Variants in PDE1C observed in about 807,000 individuals in gnomAD.
PDE1C encodes the protein dual specificity calcium/calmodulin-dependent 3',5'-cyclic nucleotide phosphodiesterase 1C.
A neutral mutation model predicts 93.1 loss-of-function variants in PDE1C; 62 were observed. That is an observed-to-expected ratio of 0.67 (90% confidence interval 0.54 to 0.82). PDE1C has a LOEUF of 0.82. PDE1C is among the 40% of genes least tolerant of loss of function. The pLI, the probability that PDE1C is intolerant of heterozygous loss-of-function variation, is 0.00. For synonymous variants in PDE1C, 325 were observed against 310.1 expected (o/e 1.05, Z -0.50); for missense variants, 742 against 884.6 (o/e 0.84, Z 2.04).
chr7:31,714,676 G>T, the PDE1C span, among the ~76,000 whole-genome samples: 1 of 152,208 alleles, frequency 6.6e-6, no homozygotes, highest in African/African-American at 2.4e-5. Flanking sequence ...GCAAAGAGGA[G>T]CAAGCCATGT....
At chr7:31,665,450 T>C in the PDE1C span, among the ~76,000 whole-genome samples, 2 of 152,332 alleles carry the variant, frequency 1.3e-5, no homozygotes, top group East Asian at 3.9e-4. Context: ...TTCCACATTT[T>C]ATCCCCAGGC....
intron 1 of PDE1C, among the ~76,000 whole-genome samples, chr7:32,393,299 A>G (rs1157118778): frequency 1.3e-5 from 2 of 152,146 alleles, no homozygotes; most frequent in Non-Finnish European, 2.9e-5. Flanking sequence ...TCCAGATTGG[A>G]AAGGAAAAAG....
chr7:32,171,446 T>C (rs1383340197), intron 2 of PDE1C, among the ~76,000 whole-genome samples: 2 of 151,084 alleles, frequency 1.3e-5, no homozygotes, highest in East Asian at 3.9e-4. Flanking sequence ...ACTTTTTTTG[T>C]CATTATTCCC....
intron 3 of PDE1C, among the ~76,000 whole-genome samples, chr7:32,145,171 T>G (rs1444993813): frequency 1.3e-5 from 2 of 152,116 alleles, no homozygotes; most frequent in African/African-American, 4.8e-5. Context: ...CTGGATTGGA[T>G]GAAAAGATTC....
At chr7:31,839,018 ATATT>A (rs1417308805) in intron 9 of PDE1C, among the ~76,000 whole-genome samples, 1 of 148,324 alleles carries the variant, frequency 6.7e-6, no homozygotes, top group Non-Finnish European at 1.5e-5. Context: ...ATAGATTTCA[ATATT>A]TATATATTAT....
intron 3 of PDE1C, among the ~76,000 whole-genome samples, chr7:32,119,550 C>T (rs954113688): frequency 1.3e-5 from 2 of 152,176 alleles, no homozygotes; most frequent in East Asian, 1.9e-4. Context: ...TCAAAAAGAA[C>T]CATAATAGCG....
chr7:32,136,921 T>G (rs1808176574), intron 3 of PDE1C, among the ~76,000 whole-genome samples: 1 of 152,238 alleles, frequency 6.6e-6, no homozygotes. Context: ...TGTTTGTTTA[T>G]CAGTCCTTAA....
At chr7:31,882,821 G>A (rs1797413898) in intron 2 of PDE1C, among the ~76,000 whole-genome samples, 1 of 152,016 alleles carries the variant, frequency 6.6e-6, no homozygotes, top group South Asian at 2.1e-4. Context: ...AAAGCCAGAA[G>A]ATCCTATCTA....
intron 1 of PDE1C, among the ~76,000 whole-genome samples, chr7:32,248,783 T>C (rs1192529270): frequency 6.6e-6 from 1 of 152,176 alleles, no homozygotes; most frequent in Non-Finnish European, 1.5e-5. Context: ...TGAGGAAAAA[T>C]GTCAGCAACA....
At chr7:32,026,075 TACAC>T (rs1178141493) in intron 2 of PDE1C, among the ~76,000 whole-genome samples, 1 of 142,824 alleles carries the variant, frequency 7.0e-6, no homozygotes, top group Non-Finnish European at 1.5e-5. Context: ...TGCACACACA[TACAC>T]ACATACACAC....
intron 1 of PDE1C, among the ~76,000 whole-genome samples, chr7:32,423,284 G>C (rs745617154): frequency 1.4e-4 from 21 of 152,310 alleles, no homozygotes; most frequent in Non-Finnish European, 1.9e-4. Context: ...GGCTGAGGTA[G>C]GAGGATTGCT....
At chr7:31,730,982 G>A in the PDE1C span, among the ~76,000 whole-genome samples, 1 of 152,034 alleles carries the variant, frequency 6.6e-6, no homozygotes, top group Non-Finnish European at 1.5e-5. Context: ...AAGACACAAG[G>A]AGAGAAGGAG....
chr7:32,042,261 C>G (rs1424062103), intron 2 of PDE1C, among the ~76,000 whole-genome samples: 1 of 152,176 alleles, frequency 6.6e-6, no homozygotes, highest in African/African-American at 2.4e-5. Flanking sequence ...GATCTTGCCT[C>G]TGCACTCCAG....
At chr7:32,182,704 G>A (rs1803529780) in intron 2 of PDE1C, among the ~76,000 whole-genome samples, 1 of 152,110 alleles carries the variant, frequency 6.6e-6, no homozygotes, top group East Asian at 1.9e-4. Flanking sequence ...TACTGAATGG[G>A]CAAAAACTGG....
In PDE1C at chr7:31,828,365, T is replaced by C; in HGVS notation, c.1212A>G (p.Arg404=). 2 of 1,612,174 alleles carry C rather than the reference T, an allele frequency of 1.2e-6. No homozygotes were observed. The highest frequency in any genetic ancestry group is 1.7e-6 in the Non-Finnish European group (2 of 1,178,626). The change falls in exon 12 of 18, where the codon AGA becomes AGG. Residue 404 remains arginine, a synonymous_variant. Transcript: ENST00000396191. The stretch of plus-strand genomic sequence containing the variant: ...AAAAAGGCAGCCCCAGCTCTGCTTC[T>C]CTGTCACCCTGGAAAAATAAAAGGT... ...LLEEFFRQGD[R]EAELGLPFSP...
the PDE1C span, among the ~76,000 whole-genome samples, chr7:31,722,789 G>C: frequency 6.6e-6 from 1 of 152,166 alleles, no homozygotes; most frequent in Non-Finnish European, 1.5e-5. Flanking sequence ...GAAGCAGGGG[G>C]ATGGTATGAG....
intron 1 of PDE1C, among the ~76,000 whole-genome samples, chr7:32,427,355 G>A (rs551456873): frequency 6.6e-6 from 1 of 152,242 alleles, no homozygotes; most frequent in African/African-American, 2.4e-5. Context: ...TTCAAATCGT[G>A]TGTGCTCTTT....
At chr7:32,307,762 G>C (rs1457927299) in intron 1 of PDE1C, among the ~76,000 whole-genome samples, 1 of 152,200 alleles carries the variant, frequency 6.6e-6, no homozygotes, top group African/African-American at 2.4e-5. Flanking sequence ...AGCCAAGATG[G>C]CCGAATAGGA....
intron 3 of PDE1C, among the ~76,000 whole-genome samples, chr7:32,131,950 A>G (rs1043609892): frequency 6.6e-6 from 1 of 152,166 alleles, no homozygotes; most frequent in African/African-American, 2.4e-5. Flanking sequence ...CACTAGTAGT[A>G]GTAGTAGTAA....
Sources: allele counts gnomAD v4.1 joint callset (sites outside exome capture counted in the v4.1 genomes callset), GRCh38; gene constraint gnomAD v4.1.1; transcripts MANE v1.5; gene names NCBI Gene and HGNC (gene_info 2026-07-23, HGNC 2026-07-21).